SNTG1: variants seen among roughly 807,000 people sequenced by gnomAD.
The protein encoded by SNTG1 is syntrophin gamma 1, also known as gamma-1-syntrophin.
SNTG1 carries 39 observed loss-of-function variants against 74.7 expected under a neutral mutation model. That is an observed-to-expected ratio of 0.52 (90% CI 0.40 to 0.68). The LOEUF (loss-of-function observed/expected upper bound fraction) is 0.68. SNTG1 is among the 30% of genes least tolerant of loss of function. The pLI is 0.00. For synonymous variants in SNTG1, 254 were observed against 217.1 expected (o/e 1.17, Z -1.49); for missense variants, 685 against 609.5 (o/e 1.12, Z -1.30).
chr8:49,926,045 T>A (rs969537305), intron 1 of SNTG1, among the ~76,000 whole-genome samples: 1 of 152,210 alleles, frequency 6.6e-6, no homozygotes, highest in African/African-American at 2.4e-5. Flanking sequence ...TCCTAAGTTT[T>A]AAACTCTGGT....
chr8:50,621,336 T>A (rs1405460615), intron 13 of SNTG1, among the ~76,000 whole-genome samples: 1 of 152,144 alleles, frequency 6.6e-6, no homozygotes, highest in East Asian at 1.9e-4. Context: ...GATACGGCCT[T>A]ACAAGCACAA....
chr8:50,250,613 T>C (rs1430685732), intron 2 of SNTG1, among the ~76,000 whole-genome samples: 1 of 152,130 alleles, frequency 6.6e-6, no homozygotes, highest in Non-Finnish European at 1.5e-5. Context: ...ACTATCAGCA[T>C]ATCTCTCAGC....
At chr8:50,238,885 T>C (rs778100976) in intron 2 of SNTG1, among the ~76,000 whole-genome samples, 8 of 152,034 alleles carry the variant, frequency 5.3e-5, no homozygotes, top group Non-Finnish European at 1.2e-4. Flanking sequence ...AACAAGCATA[T>C]AAAAAATGCT....
At chr8:50,265,589 T>A (rs530795938) in intron 2 of SNTG1, among the ~76,000 whole-genome samples, 65 of 152,190 alleles carry the variant, frequency 4.3e-4, no homozygotes, top group Non-Finnish European at 8.5e-4. Flanking sequence ...CTTTTGTCAC[T>A]TCTATTCGAA....
At chr8:50,101,411 T>A (rs2080119315) in intron 1 of SNTG1, among the ~76,000 whole-genome samples, 1 of 152,266 alleles carries the variant, frequency 6.6e-6, no homozygotes, top group South Asian at 2.1e-4. Flanking sequence ...TGTATAAGCA[T>A]TCCCTTTTCT....
chr8:50,400,828 G>C (rs2092794257), intron 3 of SNTG1, among the ~76,000 whole-genome samples: 2 of 152,110 alleles, frequency 1.3e-5, no homozygotes, highest in African/African-American at 4.8e-5. Context: ...GGAGATGTTG[G>C]AGAACAGGTA....
At chr8:50,394,150 T>G in intron 2 of SNTG1, 62 bp from the exon 3 acceptor site, 2 of 1,332,954 alleles carry the variant, frequency 1.5e-6, no homozygotes, top group Non-Finnish European at 1.1e-6. Context: ...CTCCACTATA[T>G]TAGTGTTCTC....
chr8:50,413,467 A>G (rs2092975661), intron 4 of SNTG1, among the ~76,000 whole-genome samples: 1 of 152,090 alleles, frequency 6.6e-6, no homozygotes, highest in African/African-American at 2.4e-5. Context: ...TTGTAGGAAA[A>G]CTGTCTCTTC....
intron 2 of SNTG1, among the ~76,000 whole-genome samples, chr8:50,286,350 G>C (rs1283860776): frequency 3.9e-5 from 6 of 152,140 alleles, no homozygotes; most frequent in Admixed American, 1.3e-4. Flanking sequence ...CAAACACCTG[G>C]GTTTTGAATG....
At chr8:50,730,602 T>C (rs1382069755) in intron 17 of SNTG1, among the ~76,000 whole-genome samples, 5 of 152,182 alleles carry the variant, frequency 3.3e-5, no homozygotes, top group Non-Finnish European at 5.9e-5. Context: ...TATGTACCAT[T>C]AATGGCATTG....
intron 13 of SNTG1, among the ~76,000 whole-genome samples, chr8:50,635,470 A>T (rs1585911973): frequency 6.6e-6 from 1 of 151,992 alleles, no homozygotes; most frequent in African/African-American, 2.4e-5. Flanking sequence ...CTGGTGCTCT[A>T]CTCTACGGCA....
At chr8:50,039,454 CAAAAAA>C (rs568678808) in intron 1 of SNTG1, among the ~76,000 whole-genome samples, 19 of 46,154 alleles carry the variant, frequency 4.1e-4, no homozygotes, top group South Asian at 1.4e-3. Flanking sequence ...GACTCCGTCT[CAAAAAA>C]AAAAAAAAAA....
chr8:50,423,931 AT>A (rs1269494507), intron 4 of SNTG1, among the ~76,000 whole-genome samples: 2 of 152,172 alleles, frequency 1.3e-5, no homozygotes, highest in Non-Finnish European at 2.9e-5. Context: ...AGGCTCAAGT[AT>A]TGGAGACCCA....
At chr8:50,636,112 A>G (rs1563676359) in intron 13 of SNTG1, among the ~76,000 whole-genome samples, 1 of 150,158 alleles carries the variant, frequency 6.7e-6, no homozygotes, top group Admixed American at 6.6e-5. Context: ...GTTCCTCATG[A>G]CTCTGCCTGA....
intron 18 of SNTG1, among the ~76,000 whole-genome samples, chr8:50,786,859 C>T (rs992739941): frequency 6.6e-6 from 1 of 151,908 alleles, no homozygotes; most frequent in Non-Finnish European, 1.5e-5. Context: ...TCAAATATAT[C>T]TAAGAGCTAA....
intron 13 of SNTG1, 50 bp downstream of exon 13, chr8:50,590,967 TA>T: frequency 7.7e-7 from 1 of 1,304,336 alleles, no homozygotes; most frequent in Non-Finnish European, 1.1e-6. Context: ...TCTTTAATTT[TA>T]TTGATTATAG....
intron 2 of SNTG1, among the ~76,000 whole-genome samples, chr8:50,383,687 G>A (rs1483727506): frequency 6.6e-6 from 1 of 152,048 alleles, no homozygotes; most frequent in African/African-American, 2.4e-5. Context: ...AAGTGTCTGG[G>A]CCATTAATAG....
chr8:50,313,860 G>T (rs1394661909), intron 2 of SNTG1, among the ~76,000 whole-genome samples: 1 of 149,490 alleles, frequency 6.7e-6, no homozygotes, highest in South Asian at 2.2e-4. Flanking sequence ...AGTAAGTTTT[G>T]ACATCCTCTT....
intron 1 of SNTG1, among the ~76,000 whole-genome samples, chr8:50,072,254 G>T (rs1364813694): frequency 6.6e-6 from 1 of 152,158 alleles, no homozygotes; most frequent in Admixed American, 6.5e-5. Context: ...CTGCTATAGA[G>T]AGTTGTTTAT....
Sources: gnomAD v4.1 joint callset for allele counts (sites outside exome capture counted in the v4.1 genomes callset) on GRCh38, gnomAD v4.1.1 for gene constraint, MANE v1.5 for transcripts, NCBI Gene and HGNC (gene_info 2026-07-23, HGNC 2026-07-21) for gene names.